CSMD1: variants seen among roughly 807,000 people sequenced by gnomAD.
CSMD1 encodes the protein CUB and sushi domain-containing protein 1.
A neutral mutation model predicts 417.5 loss-of-function variants in CSMD1; 213 were observed. That is an observed-to-expected ratio of 0.51 (90% CI 0.46 to 0.57). The LOEUF (loss-of-function observed/expected upper bound fraction) is 0.57, where lower values mean the gene tolerates loss of function less well. Among genes scored for constraint, CSMD1 ranks in the 20% least tolerant of loss-of-function variants. The pLI is 0.00. For missense variants in CSMD1, 6,923 were observed against 4,529.7 expected, an observed-to-expected ratio of 1.53 and a Z score of -15.17; for synonymous variants, 2,862 against 1,736.8, an observed-to-expected ratio of 1.65 and a Z score of -16.11.
At chr8:4,053,083 T>A (rs529573125) in intron 3 of CSMD1, among the ~76,000 whole-genome samples, 1 of 152,216 alleles carries the variant, frequency 6.6e-6, no homozygotes, top group East Asian at 1.9e-4. Context: ...AAAGGATGAT[T>A]GGAATAAGAA....
chr8:3,352,166 G>T (rs1039623797), intron 21 of CSMD1, among the ~76,000 whole-genome samples: 1 of 152,152 alleles, frequency 6.6e-6, no homozygotes, highest in Non-Finnish European at 1.5e-5. Context: ...GGGAAGGAAT[G>T]CCAGGACCTG....
At chr8:4,620,777 C>G (rs1301850224) in intron 2 of CSMD1, among the ~76,000 whole-genome samples, 3 of 151,594 alleles carry the variant, frequency 2.0e-5, no homozygotes, top group African/African-American at 7.3e-5. Flanking sequence ...ATAGCATTAA[C>G]TACTTATTTA....
rs148803336 is a variant in CSMD1, at chr8:4,664,219, G to A, written c.86-26661C>T. On this transcript the variant is annotated intron_variant, in intron 1 of 69. Transcript: ENST00000635120. ...AGTTTTCATCTTTGCATTATCTTGG[G>A]GACATTTAAGAAACACTAAAATATT... 3.4e-3 allele frequency among the ~76,000 whole-genome samples: 516 copies of A among 152,222 alleles called. 2 individuals carry two copies. Among genetic ancestry groups the A allele is most frequent in the African/African-American group, 0.012 (487 of 41,520 alleles).
rs572498388 is a variant in CSMD1, at chr8:3,647,629, G to A, written c.1010-30832C>T. 4.6e-5 allele frequency among the ~76,000 whole-genome samples: 7 copies of A among 152,304 alleles called. No individual in the cohort carries two copies. The South Asian group carries it at 1.4e-3, about 32-fold the overall frequency. On this transcript the variant is annotated intron_variant, in intron 7 of 69. Transcript: ENST00000635120. ...GGCAACATTTGAAATGTGGTATGCTGCCATGTGATTAAAGCATTCAAACAA... is the reference window on the plus strand; with the variant it reads ...GGCAACATTTGAAATGTGGTATGCTACCATGTGATTAAAGCATTCAAACAA...
chr8:4,141,022 C>A lies in CSMD1; in HGVS notation c.416-108923G>T, dbSNP rs1455694850. On this transcript the variant is annotated intron_variant, in intron 3 of 69. Coordinates refer to ENST00000635120, the MANE Select transcript of CSMD1 (RefSeq NM_033225.6). Reference sequence around the variant, plus strand: ...ACAGAAAGACAGGTAATATTCCTTACAAACATTGCCGTTTCATCTATTTAG... The same window carrying A: ...ACAGAAAGACAGGTAATATTCCTTAAAAACATTGCCGTTTCATCTATTTAG... Among the ~76,000 whole-genome samples the A allele has an allele frequency of 2.6e-5, 4 of 151,316 alleles. 1 individual carries two copies. Among genetic ancestry groups the A allele is most frequent in the East Asian group, 3.9e-4 (2 of 5,174 alleles).
intron 12 of CSMD1, among the ~76,000 whole-genome samples, chr8:3,460,675 A>G (rs141328699): frequency 1.3e-5 from 2 of 152,338 alleles, no homozygotes; most frequent in African/African-American, 4.8e-5. Context: ...TTCGTGGAGA[A>G]AAAGAGAACA....
intron 5 of CSMD1, among the ~76,000 whole-genome samples, chr8:3,903,406 C>G (rs182566002): frequency 4.6e-5 from 7 of 151,994 alleles, no homozygotes; most frequent in African/African-American, 1.7e-4. Context: ...CTTTCCAATG[C>G]CAGAGCATTA....
At chr8:4,705,546 A>T (rs1183795115) in intron 1 of CSMD1, among the ~76,000 whole-genome samples, 1 of 152,178 alleles carries the variant, frequency 6.6e-6, no homozygotes, top group Non-Finnish European at 1.5e-5. Flanking sequence ...CCTAGATTCT[A>T]CTACGGCATA....
intron 3 of CSMD1, among the ~76,000 whole-genome samples, chr8:4,321,480 G>C (rs1030661240): frequency 6.6e-6 from 1 of 152,066 alleles, no homozygotes; most frequent in Non-Finnish European, 1.5e-5. Context: ...CCTCAGTGAT[G>C]CAAGTTAGAC....
At chr8:4,580,554 C>CG (rs1373552251) in intron 2 of CSMD1, among the ~76,000 whole-genome samples, 5 of 152,108 alleles carry the variant, frequency 3.3e-5, no homozygotes, top group African/African-American at 1.2e-4. Context: ...TTCCCCATGT[C>CG]GGGCGTCTCA....
chr8:4,150,849 A>G (rs1796533678), intron 3 of CSMD1, among the ~76,000 whole-genome samples: 2 of 150,148 alleles, frequency 1.3e-5, no homozygotes, highest in South Asian at 2.1e-4. Context: ...CCTTAACAAT[A>G]TGGATTATAA....
chr8:3,308,654 G>A (rs1235782016), intron 23 of CSMD1, among the ~76,000 whole-genome samples, 151 bp from the exon 24 acceptor site: 4 of 151,692 alleles, frequency 2.6e-5, no homozygotes, highest in African/African-American at 9.7e-5. Context: ...AGAAAGATGG[G>A]TCTGTACTGG....
chr8:3,810,326 C>A (rs1214725914), intron 5 of CSMD1, among the ~76,000 whole-genome samples: 3 of 152,176 alleles, frequency 2.0e-5, no homozygotes, highest in South Asian at 4.1e-4. Context: ...ACCAGAGCCA[C>A]TGGGAAAGAA....
intron 7 of CSMD1, among the ~76,000 whole-genome samples, chr8:3,631,901 A>G (rs1375120228): frequency 6.6e-6 from 1 of 152,204 alleles, no homozygotes; most frequent in East Asian, 1.9e-4. Flanking sequence ...TGCAGAGTAG[A>G]CTGACGAAGC....
chr8:4,403,342 A>G (rs779000642), intron 3 of CSMD1, among the ~76,000 whole-genome samples: 1 of 152,144 alleles, frequency 6.6e-6, no homozygotes, highest in Non-Finnish European at 1.5e-5. Context: ...TTTTAGAACA[A>G]AACTCCTTAT....
At chr8:3,300,365 T>C (rs1337509917) in intron 25 of CSMD1, among the ~76,000 whole-genome samples, 1 of 152,098 alleles carries the variant, frequency 6.6e-6, no homozygotes, top group Non-Finnish European at 1.5e-5. Context: ...TTAGGGGTTT[T>C]TTTTTCTGCA....
intron 3 of CSMD1, among the ~76,000 whole-genome samples, chr8:4,317,478 T>C (rs887391629): frequency 1.3e-5 from 2 of 152,208 alleles, no homozygotes; most frequent in African/African-American, 2.4e-5. Context: ...GTGTAAGGCA[T>C]GTACATGCAC....
At chr8:3,635,397 C>T (rs1796984913) in intron 7 of CSMD1, among the ~76,000 whole-genome samples, 1 of 151,978 alleles carries the variant, frequency 6.6e-6, no homozygotes, top group African/African-American at 2.4e-5. Context: ...TCACTTGAAC[C>T]CGGTTGAACC....
intron 5 of CSMD1, among the ~76,000 whole-genome samples, chr8:3,762,720 G>A (rs1584958984): frequency 6.6e-6 from 1 of 152,212 alleles, no homozygotes; most frequent in Non-Finnish European, 1.5e-5. Context: ...TGCAAAGATG[G>A]TCGGGGGGAG....
Sources: allele counts gnomAD v4.1 joint callset (sites outside exome capture counted in the v4.1 genomes callset), GRCh38; gene constraint gnomAD v4.1.1; transcripts MANE v1.5; gene names NCBI Gene and HGNC (gene_info 2026-07-23, HGNC 2026-07-21).